The following UST variants were observed in gnomAD, a reference collection of about 807,000 sequenced individuals.
UST encodes the protein chondroitin sulfate 2-O-sulfotransferase.
Under a neutral mutation model 45.6 loss-of-function variants are expected in UST, and 21 were observed. The ratio of observed to expected loss-of-function variants is 0.46; its 90% confidence interval spans 0.33 to 0.66. The LOEUF (loss-of-function observed/expected upper bound fraction) is 0.66, where lower values mean the gene tolerates loss of function less well. Ranked by LOEUF, UST falls within the 30% of genes least tolerant of loss-of-function variation. The pLI, the probability that UST is intolerant of heterozygous loss-of-function variation, is 0.02. For synonymous variants in UST, 215 were observed against 200.6 expected (o/e 1.07, Z -0.61); for missense variants, 463 against 512.4 (o/e 0.90, Z 0.93).
intron 1 of UST, among the ~76,000 whole-genome samples, chr6:148,828,172 AC>A (rs1298984841): frequency 6.6e-6 from 1 of 152,032 alleles, no homozygotes; most frequent in Non-Finnish European, 1.5e-5. Flanking sequence ...CTGTCAAATT[AC>A]GTATTTGTTC....
chr6:148,996,055 T>C (rs2114998067), intron 5 of UST, among the ~76,000 whole-genome samples: 1 of 152,308 alleles, frequency 6.6e-6, no homozygotes, highest in African/African-American at 2.4e-5. Context: ...AAGAGCAGCG[T>C]TGAAGGATGC....
At chr6:148,950,610 G>A (rs1053581974) in intron 3 of UST, among the ~76,000 whole-genome samples, 8 of 152,074 alleles carry the variant, frequency 5.3e-5, no homozygotes, top group African/African-American at 1.7e-4. Context: ...CCTTGGTGCC[G>A]TATCATTTTA....
chr6:148,985,999 G>C (rs1781231875), intron 5 of UST, among the ~76,000 whole-genome samples: 1 of 152,146 alleles, frequency 6.6e-6, no homozygotes, highest in African/African-American at 2.4e-5. Context: ...AGGACTATTG[G>C]GTAAGGAGAG....
At chr6:149,052,745 G>A (rs570353851) in intron 7 of UST, among the ~76,000 whole-genome samples, 3 of 152,334 alleles carry the variant, frequency 2.0e-5, no homozygotes, top group Admixed American at 6.5e-5. Context: ...TGGTTCTGTT[G>A]AGGTGATGTT....
chr6:148,885,937 C>T (rs1778904678), intron 1 of UST, among the ~76,000 whole-genome samples: 1 of 152,154 alleles, frequency 6.6e-6, no homozygotes, highest in Non-Finnish European at 1.5e-5. Context: ...CATTTCATTC[C>T]ATTAGCTTGT....
intron 1 of UST, among the ~76,000 whole-genome samples, chr6:148,862,747 T>TC (rs1466231562): frequency 6.6e-6 from 1 of 152,226 alleles, no homozygotes; most frequent in Non-Finnish European, 1.5e-5. Context: ...TATTTCTCCT[T>TC]CACTTATGAA....
intron 2 of UST, among the ~76,000 whole-genome samples, chr6:148,916,453 C>T (rs910969269): frequency 3.9e-5 from 6 of 152,068 alleles, no homozygotes; most frequent in African/African-American, 1.4e-4. Flanking sequence ...GAGAGTGAAA[C>T]GGGGAGAAGA....
chr6:148,773,060 A>T (rs939298191), intron 1 of UST, among the ~76,000 whole-genome samples: 1 of 152,266 alleles, frequency 6.6e-6, no homozygotes. Context: ...TTTAAAAAAA[A>T]TTATAGAAAA....
intron 1 of UST, 117 bp from the exon 2 acceptor site, chr6:148,886,869 G>T: frequency 3.6e-6 from 3 of 844,100 alleles, no homozygotes; most frequent in Admixed American, 2.2e-5. Context: ...TTTTTCTTTG[G>T]TACTGTTGTC....
chr6:149,003,278 A>G (rs1378603919), intron 5 of UST, among the ~76,000 whole-genome samples: 5 of 152,212 alleles, frequency 3.3e-5, no homozygotes, highest in Admixed American at 1.3e-4. Context: ...TTTCTAATCA[A>G]TGGCATTAAA....
At chr6:148,850,811 A>G (rs997535393) in intron 1 of UST, among the ~76,000 whole-genome samples, 4 of 152,300 alleles carry the variant, frequency 2.6e-5, no homozygotes, top group Admixed American at 6.5e-5. Flanking sequence ...TGCCCTCACT[A>G]TGATTCCCGT....
intron 7 of UST, among the ~76,000 whole-genome samples, chr6:149,057,784 A>G (rs1437318546): frequency 1.3e-5 from 2 of 152,240 alleles, no homozygotes; most frequent in Non-Finnish European, 2.9e-5. Flanking sequence ...AATAAACAAT[A>G]TAGCACAGAT....
rs1033507440 is a variant in UST, at chr6:148,934,696, C to T, written c.292-6583C>T. ...CAAGGACCCACTCAGCCACTTAATA[C>T]AGAAAGCTGGGAGTCCTCTGTGACA... is the stretch of plus-strand genomic sequence containing the variant. On this transcript the variant is annotated intron_variant, in intron 2 of 7. Coordinates refer to ENST00000367463, the MANE Select transcript of UST (RefSeq NM_005715.3). This position sits in a 1 kb window ranked among gnomAD's most constrained non-coding sequence, Gnocchi z 4.1. Among the ~76,000 whole-genome samples, 3 of 152,132 alleles carry T rather than the reference C, an allele frequency of 2.0e-5. No homozygotes were observed. In the East Asian group the frequency reaches 5.8e-4, roughly 29 times the overall value.
intron 1 of UST, among the ~76,000 whole-genome samples, chr6:148,765,138 C>T (rs1258452621): frequency 2.0e-5 from 3 of 152,186 alleles, no homozygotes; most frequent in Admixed American, 6.5e-5. Context: ...CCCTGAAAAT[C>T]GCTGTTATCC....
intron 5 of UST, among the ~76,000 whole-genome samples, chr6:148,995,147 C>A (rs1324130844): frequency 1.2e-4 from 19 of 152,084 alleles, no homozygotes; most frequent in Admixed American, 1.2e-3. Context: ...ACCTCAGCTT[C>A]CCAAGTAGCT....
At chr6:148,992,969 CAT>C in intron 5 of UST, 1 of 982,826 alleles carries the variant, frequency 1.0e-6, no homozygotes, top group Non-Finnish European at 1.2e-6. Flanking sequence ...TACTGAAATA[CAT>C]TTCTATCCAC....
chr6:148,788,024 A>C (rs913915490), intron 1 of UST, among the ~76,000 whole-genome samples: 3 of 152,224 alleles, frequency 2.0e-5, no homozygotes, highest in Non-Finnish European at 4.4e-5. Flanking sequence ...GAGACTGGGA[A>C]GAAAAAGAGG....
chr6:149,044,525 C>T (rs12110456), intron 7 of UST, among the ~76,000 whole-genome samples: 1 of 152,154 alleles, frequency 6.6e-6, no homozygotes, highest in Non-Finnish European at 1.5e-5. Flanking sequence ...CGCTGCCTTT[C>T]TACATTTTGC....
chr6:148,933,470 G>A (rs1269186919), intron 2 of UST, among the ~76,000 whole-genome samples: 1 of 152,228 alleles, frequency 6.6e-6, no homozygotes, highest in East Asian at 1.9e-4. Context: ...GGGAAGAGAA[G>A]AAAGCCAAAG....
Sources: allele counts gnomAD v4.1 joint callset (sites outside exome capture counted in the v4.1 genomes callset), GRCh38; gene constraint gnomAD v4.1.1; non-coding constraint Gnocchi (gnomAD v3.1); transcripts MANE v1.5; gene names NCBI Gene and HGNC (gene_info 2026-07-23, HGNC 2026-07-21).